USP28: variants seen among roughly 807,000 people sequenced by gnomAD.
USP28 encodes the protein ubiquitin carboxyl-terminal hydrolase 28.
A neutral mutation model predicts 145.0 loss-of-function variants in USP28; 113 were observed. The observed-to-expected ratio is 0.78, with a 90% CI of 0.67 to 0.91. The LOEUF is 0.91. Ranked by LOEUF, USP28 falls within the 40% of genes least tolerant of loss-of-function variation. The pLI is 0.00. For missense variants in USP28, 1,201 were observed against 1,289.6 expected (o/e 0.93, Z 1.05); for synonymous variants, 447 against 450.9 (o/e 0.99, Z 0.11).
At chr11:113,809,529 A>C (rs1263782462) in intron 16 of USP28, among the ~76,000 whole-genome samples, 1 of 152,238 alleles carries the variant, frequency 6.6e-6, no homozygotes, top group Non-Finnish European at 1.5e-5. Flanking sequence ...GAAATTCAAA[A>C]TGCTCCAATG....
chr11:113,874,138 CT>C (rs1949110914), intron 1 of USP28, among the ~76,000 whole-genome samples: 1 of 86,078 alleles, frequency 1.2e-5, no homozygotes, highest in African/African-American at 5.2e-5. Context: ...GAGACTCCGT[CT>C]GGAAAAAAAA....
At chr11:113,859,868 C>T (rs1221854059) in intron 1 of USP28, among the ~76,000 whole-genome samples, 1 of 152,168 alleles carries the variant, frequency 6.6e-6, no homozygotes, top group Non-Finnish European at 1.5e-5. Context: ...ACAAAAAGTA[C>T]TCCCTTTTCT....
At chr11:113,797,919 G>T (rs944953980) in exon 25 of USP28, 2 of 152,422 alleles carry the variant, frequency 1.3e-5, no homozygotes, top group Non-Finnish European at 2.9e-5. Context: ...CTGCATAGTT[G>T]TATCAATTTT....
chr11:113,826,985 C>T (rs1943444253), intron 11 of USP28, among the ~76,000 whole-genome samples: 1 of 151,172 alleles, frequency 6.6e-6, no homozygotes, highest in Non-Finnish European at 1.5e-5. Flanking sequence ...CCCCAGAATT[C>T]AGGTAGTTCC....
chr11:113,830,769 G>C, intron 9 of USP28, 98 bp downstream of exon 9: 1 of 1,123,230 alleles, frequency 8.9e-7, no homozygotes, highest in Non-Finnish European at 1.3e-6. Context: ...GAGTACTGCT[G>C]ACTCTCAAGC....
chr11:113,805,068 G>A (rs2135208247), intron 19 of USP28, 22 bp from the exon 21 acceptor site: 1 of 1,610,310 alleles, frequency 6.2e-7, no homozygotes, highest in African/African-American at 1.4e-5. Context: ...AGAATCAATG[G>A]TTAGAAAATA....
chr11:113,811,598 G>T (rs1940993674), intron 16 of USP28, among the ~76,000 whole-genome samples: 1 of 152,100 alleles, frequency 6.6e-6, no homozygotes, highest in African/African-American at 2.4e-5. Flanking sequence ...TGAGGCAGGA[G>T]AATCACTTCA....
At chr11:113,875,328 G>T in intron 1 of USP28, 117 bp downstream of exon 1, 1 of 878,152 alleles carries the variant, frequency 1.1e-6, no homozygotes, top group Non-Finnish European at 1.4e-6. Flanking sequence ...CGCACCCCCT[G>T]TCCCGCCCGG....
At chr11:113,822,122 T>C (rs1942696293) in intron 12 of USP28, among the ~76,000 whole-genome samples, 1 of 152,212 alleles carries the variant, frequency 6.6e-6, no homozygotes, top group Admixed American at 6.5e-5. Flanking sequence ...ATTTCTTTTA[T>C]GTTGTTGTGA....
At position 113,808,456 on chromosome 11, in the gene USP28, A is replaced by G. The variant is rs750478604; in HGVS notation, c.2165-19T>C. ...GAAGGCTCTGATAAAGAATTGAACA[A>G]AGGTCTTAGCATCTAATGATAAATA... On this transcript the variant is annotated intron_variant, in intron 17 of 24. Coordinates refer to ENST00000003302, the Ensembl canonical transcript of USP28. The G allele has an allele frequency of 6.2e-7, 1 of 1,611,622 alleles. No homozygotes were observed. Among genetic ancestry groups the G allele is most frequent in the Non-Finnish European group, 8.5e-7 (1 of 1,179,710 alleles).
chr11:113,824,098 T>C (rs898435744), intron 11 of USP28, among the ~76,000 whole-genome samples: 1 of 151,686 alleles, frequency 6.6e-6, no homozygotes, highest in Non-Finnish European at 1.5e-5. Context: ...ACAAAATCAA[T>C]TTAAAAAAAG....
chr11:113,834,666 C>T (rs2136026016), intron 5 of USP28, among the ~76,000 whole-genome samples: 1 of 152,282 alleles, frequency 6.6e-6, no homozygotes, highest in Admixed American at 6.5e-5. Flanking sequence ...GATCTGCCCG[C>T]TTTGGCCTCC....
rs181710099 is a variant in USP28 at position 113,803,789 on chromosome 11, C to T, written c.2738+9G>A. On this transcript the variant is annotated intron_variant, in intron 22 of 24. Coordinates refer to ENST00000003302, the Ensembl canonical transcript of USP28. ...CTAATAATCTTGGTAAAATAAAAGG[C>T]CAACATACTTTCCTTTTTGATAGAG... 1.6e-4 allele frequency: 264 copies of T among 1,608,524 alleles called. No individual in the cohort carries two copies. The highest frequency in any genetic ancestry group is 3.9e-5 in the Non-Finnish European group (46 of 1,177,326).
At chr11:113,811,770 G>A (rs549996485) in intron 16 of USP28, among the ~76,000 whole-genome samples, 274 of 145,504 alleles carry the variant, frequency 1.9e-3, no homozygotes, top group African/African-American at 6.3e-3. Context: ...GATGGGGCAA[G>A]AAAAAAAAAA....
chr11:113,835,107 T>A (rs1206806976), intron 5 of USP28: 1 of 368,828 alleles, frequency 2.7e-6, no homozygotes, highest in Non-Finnish European at 5.3e-6. Flanking sequence ...CCACTCCTTG[T>A]CATAGTATTG....
intron 1 of USP28, among the ~76,000 whole-genome samples, chr11:113,858,676 C>T (rs1048849491): frequency 7.2e-5 from 11 of 152,216 alleles, no homozygotes; most frequent in Admixed American, 6.5e-5. Flanking sequence ...GCGGCGCAAT[C>T]TCAGCTCACT....
At chr11:113,817,632 CA>C in intron 13 of USP28, 25 bp downstream of exon 13, 1 of 1,606,538 alleles carries the variant, frequency 6.2e-7, no homozygotes, top group Non-Finnish European at 8.5e-7. Context: ...CAATACATAC[CA>C]TTAAAAAAAA....
intron 3 of USP28, among the ~76,000 whole-genome samples, chr11:113,845,868 C>T (rs1302703702): frequency 6.6e-6 from 1 of 152,146 alleles, no homozygotes; most frequent in Non-Finnish European, 1.5e-5. Flanking sequence ...AGCTACAGTG[C>T]CCGGACTAAA....
chr11:113,853,892 A>AAAAAAAAAAAAAT (rs397805789), intron 2 of USP28, among the ~76,000 whole-genome samples: 2 of 149,018 alleles, frequency 1.3e-5, no homozygotes, highest in African/African-American at 5.1e-5. Context: ...AAAAAAAAAA[A>AAAAAAAAAAAAAT]GTATATATAT....
Sources: gnomAD v4.1 joint callset for allele counts (sites outside exome capture counted in the v4.1 genomes callset) on GRCh38, gnomAD v4.1.1 for gene constraint, MANE v1.5 for transcripts, NCBI Gene and HGNC (gene_info 2026-07-23, HGNC 2026-07-21) for gene names.